PARP6: variants seen among roughly 807,000 people sequenced by gnomAD.
PARP6 encodes the protein poly(ADP-ribose) polymerase family member 6, also known as protein mono-ADP-ribosyltransferase PARP6.
Under a neutral mutation model 92.0 loss-of-function variants are expected in PARP6, and 27 were observed. That is an observed-to-expected ratio of 0.29 (90% CI 0.22 to 0.40). The LOEUF (loss-of-function observed/expected upper bound fraction) is 0.40. Ranked by LOEUF, PARP6 falls within the 10% of genes least tolerant of loss-of-function variation. The pLI is 1.00. For synonymous variants in PARP6, 272 were observed against 281.2 expected, an observed-to-expected ratio of 0.97 and a Z score of 0.33; for missense variants, 501 against 784.5, an observed-to-expected ratio of 0.64 and a Z score of 4.32.
Position 72,257,338 on chromosome 15 carries a change from T to A in PARP6, c.999+10A>T. ...TCCCAATTCCCCAGCCACGTTTCCCTCCCCCATACCTCTGCTCCAGTGGCC... is the reference window on the plus strand; with the variant it reads ...TCCCAATTCCCCAGCCACGTTTCCCACCCCCATACCTCTGCTCCAGTGGCC... On this transcript the variant is annotated intron_variant, in intron 13 of 23. Transcript: ENST00000569795. 1 of 1,600,342 alleles carries A rather than the reference T, an allele frequency of 6.2e-7. No individual in the cohort carries two copies. Among genetic ancestry groups the A allele is most frequent in the South Asian group, 1.1e-5 (1 of 90,730 alleles).
rs559715107 is a variant in PARP6, at chr15:72,254,431, G to C, written c.1191+24C>G. 9.6e-6 allele frequency: 15 copies of C among 1,569,166 alleles called. No individual in the cohort carries two copies. In the East Asian group the frequency reaches 2.9e-4, roughly 30 times the overall value. On this transcript the variant is annotated intron_variant, in intron 15 of 23. Coordinates refer to ENST00000569795, the MANE Select transcript of PARP6 (RefSeq NM_001323532.2). ...ACTTGAACTGGGCAGGCAAAGGAGA[G>C]GGGACAGAGAGAAGGCAGAATACCT...
At position 72,267,630 on chromosome 15, in the gene PARP6, G is replaced by A; in HGVS notation, c.-153C>T. On this transcript the variant is annotated 5_prime_UTR_variant, in exon 3 of 24. Coordinates refer to ENST00000569795, the MANE Select transcript of PARP6 (RefSeq NM_001323532.2). ...TCAGGGACAACTGGTGATCTGTTGG[G>A]GATGGCAGGCTCTGCTGTTGCGGTG... The A allele has an allele frequency of 1.3e-6, 1 of 757,450 alleles. No homozygotes were observed. Among genetic ancestry groups the A allele is most frequent in the South Asian group, 1.6e-5 (1 of 62,550 alleles). The allele number at this position is 757,450 out of a possible 1,614,324, so 46.9% of individuals were successfully genotyped here. A position where few individuals can be genotyped will look rare whatever the true frequency, so the allele number is the denominator to read the frequency against.
At chr15:72,244,320 G>A (rs573714003) in intron 20 of PARP6, 10 of 152,308 alleles carry the variant, frequency 6.6e-5, no homozygotes, top group Admixed American at 2.0e-4. Context: ...ACTCAATCCT[G>A]TTGTACACTA....
intron 16 of PARP6, among the ~76,000 whole-genome samples, chr15:72,252,561 C>T (rs1467097565): frequency 1.3e-5 from 2 of 151,954 alleles, no homozygotes; most frequent in Non-Finnish European, 1.5e-5. Flanking sequence ...TCTCAGCTCA[C>T]GGCAACCTCC....
intron 2 of PARP6, among the ~76,000 whole-genome samples, chr15:72,269,096 A>C (rs1270335342): frequency 2.0e-5 from 3 of 152,220 alleles, no homozygotes; most frequent in Admixed American, 1.3e-4. Flanking sequence ...CTTTGCACAC[A>C]TCGCAGCTGA....
intron 14 of PARP6, among the ~76,000 whole-genome samples, chr15:72,256,194 C>G (rs569558194): frequency 1.3e-5 from 2 of 152,256 alleles, no homozygotes; most frequent in South Asian, 4.1e-4. Flanking sequence ...TTGCCTAATA[C>G]CCTTCAAATG....
chr15:72,265,245 C>CACACATGCACATGACAGT (rs2086428445), intron 6 of PARP6, 74 bp from the exon 7 acceptor site: 1 of 1,084,186 alleles, frequency 9.2e-7, no homozygotes, highest in Non-Finnish European at 1.4e-6. Context: ...CTATATGACA[C>CACACATGCACATGACAGT]ACACATGCAC....
chr15:72,260,807 A>C, intron 9 of PARP6, 119 bp from the exon 10 acceptor site: 1 of 741,504 alleles, frequency 1.3e-6, no homozygotes. Context: ...ACAAACTCAT[A>C]TCTGAGGAAA....
At chr15:72,255,630 C>T (rs2140993283) in intron 14 of PARP6, among the ~76,000 whole-genome samples, 1 of 152,044 alleles carries the variant, frequency 6.6e-6, no homozygotes, top group Non-Finnish European at 1.5e-5. Flanking sequence ...CTGCAGCCTG[C>T]TAACTGTAGA....
intron 7 of PARP6, among the ~76,000 whole-genome samples, 188 bp downstream of exon 7, chr15:72,264,893 C>T (rs1176962792): frequency 1.3e-5 from 2 of 152,108 alleles, no homozygotes; most frequent in Non-Finnish European, 2.9e-5. Context: ...GCAAGAAGGC[C>T]TTTAGGGAAT....
chr15:72,253,778 T>C, intron 15 of PARP6: 1 of 599,096 alleles, frequency 1.7e-6, no homozygotes. Flanking sequence ...AAGTTGATTA[T>C]AAATCAAAAA....
intron 13 of PARP6, among the ~76,000 whole-genome samples, chr15:72,256,893 A>G (rs748255292): frequency 2.4e-4 from 36 of 152,120 alleles, no homozygotes; most frequent in Middle Eastern, 6.8e-3. Context: ...ATTCTTTTTT[A>G]AAGAGACAGG....
chr15:72,254,584 T>C, intron 14 of PARP6, 64 bp from the exon 15 acceptor site: 1 of 1,299,242 alleles, frequency 7.7e-7, no homozygotes, highest in Non-Finnish European at 1.1e-6. Flanking sequence ...TAAGATGTGA[T>C]GAAAAGGGGC....
At chr15:72,254,790 G>T (rs61282656) in intron 14 of PARP6, among the ~76,000 whole-genome samples, 288 of 152,234 alleles carry the variant, frequency 1.9e-3, no homozygotes, top group African/African-American at 6.5e-3. Context: ...CCATAGAGAT[G>T]TTCTGAGGAT....
Position 72,254,497 on chromosome 15 carries a change from C to T in PARP6, c.1149G>A (p.Gln383=), listed in dbSNP as rs756862601. 1.2e-6 allele frequency: 2 copies of T among 1,613,542 alleles called. No homozygotes were observed. Among genetic ancestry groups the T allele is most frequent in the Non-Finnish European group, 1.7e-6 (2 of 1,179,488 alleles). Residue 383 remains glutamine, a synonymous_variant, in exon 15 of 24, where the codon CAG becomes CAA. Transcript: ENST00000569795. ...NPKKKNYERL[Q]KALDSVMSIR... is the part of the protein sequence containing the mutation. The stretch of plus-strand genomic sequence containing the variant: ...TAGACATCACACTATCCAGAGCTTT[C>T]TGAAGCCGCTCATAATTCTTCTTCT...
At chr15:72,247,929 C>A (rs547117256) in intron 20 of PARP6, among the ~76,000 whole-genome samples, 1 of 151,856 alleles carries the variant, frequency 6.6e-6, no homozygotes, top group Non-Finnish European at 1.5e-5. Flanking sequence ...TGCCACCATG[C>A]CTGGCTAATT....
At chr15:72,271,620 G>A (rs972945274) in intron 1 of PARP6, among the ~76,000 whole-genome samples, 2 of 152,158 alleles carry the variant, frequency 1.3e-5, no homozygotes, top group South Asian at 2.1e-4. Context: ...GAGTACAGAA[G>A]GACTGGGATG....
chr15:72,260,380 A>C, intron 10 of PARP6, 98 bp downstream of exon 10: 1 of 945,398 alleles, frequency 1.1e-6, no homozygotes, highest in South Asian at 1.5e-5. Context: ...TATGATGCCT[A>C]GACAACCATA....
At chr15:72,255,198 T>C (rs1315099617) in intron 14 of PARP6, among the ~76,000 whole-genome samples, 1 of 152,200 alleles carries the variant, frequency 6.6e-6, no homozygotes, top group Admixed American at 6.5e-5. Flanking sequence ...TTGGCTCTTC[T>C]TGGATGTTAA....
Sources: allele counts gnomAD v4.1 joint callset (sites outside exome capture counted in the v4.1 genomes callset), GRCh38; gene constraint gnomAD v4.1.1; transcripts MANE v1.5; gene names NCBI Gene and HGNC (gene_info 2026-07-23, HGNC 2026-07-21).